Variants in MEMO1 observed in about 807,000 individuals in gnomAD.
The protein encoded by MEMO1 is protein MEMO1.
Under a neutral mutation model 45.2 loss-of-function variants are expected in MEMO1, and 6 were observed. The observed-to-expected ratio is 0.13, with a 90% confidence interval of 0.07 to 0.26. MEMO1 has a LOEUF of 0.26. Ranked by LOEUF, MEMO1 falls within the 10% of genes least tolerant of loss-of-function variation. The pLI is 1.00. For missense variants in MEMO1, 184 were observed against 370.5 expected, an observed-to-expected ratio of 0.50 and a Z score of 4.13; for synonymous variants, 78 against 124.3, an observed-to-expected ratio of 0.63 and a Z score of 2.48.
In MEMO1 at chr2:32,002,892, C is replaced by G. The variant is rs545354824; in HGVS notation, c.61+7295G>C. Among the ~76,000 whole-genome samples, 15 of 152,282 alleles carry G rather than the reference C, an allele frequency of 9.9e-5. No individual in the cohort carries two copies. In the South Asian group the frequency reaches 3.1e-3, roughly 32 times the overall value. On this transcript the variant is annotated intron_variant, in intron 2 of 9. Transcript: ENST00000404530. ...ACTAGAAATAATCAGGCAATCATAT[C>G]AACAGTTTGCCTGTTAAATATGTTC...
At chr2:31,984,482 T>C (rs955865633) in intron 2 of MEMO1, among the ~76,000 whole-genome samples, 2 of 152,196 alleles carry the variant, frequency 1.3e-5, no homozygotes, top group Admixed American at 1.3e-4. Flanking sequence ...CTAAACACGA[T>C]GTGGTAACCT....
chr2:31,870,399 CAAG>C, intron 8 of MEMO1, among the ~76,000 whole-genome samples: 2 of 152,186 alleles, frequency 1.3e-5, no homozygotes, highest in Middle Eastern at 6.8e-3. Flanking sequence ...CATGAAAAAT[CAAG>C]AGATAATTTT....
intron 5 of MEMO1, among the ~76,000 whole-genome samples, chr2:31,919,006 G>A (rs887800718): frequency 2.0e-5 from 3 of 151,982 alleles, no homozygotes; most frequent in Admixed American, 1.3e-4. Flanking sequence ...TTAATAAGAC[G>A]CATTAACAAA....
At chr2:31,977,361 A>G (rs1670122812) in intron 2 of MEMO1, among the ~76,000 whole-genome samples, 1 of 152,312 alleles carries the variant, frequency 6.6e-6, no homozygotes, top group African/African-American at 2.4e-5. Context: ...GTAACATTCA[A>G]TCATGTGCAC....
At chr2:31,947,245 C>T (rs1666299682) in intron 2 of MEMO1, among the ~76,000 whole-genome samples, 1 of 152,126 alleles carries the variant, frequency 6.6e-6, no homozygotes, top group Non-Finnish European at 1.5e-5. Flanking sequence ...TGTTTTTAAG[C>T]AGTAAACCAA....
intron 6 of MEMO1, among the ~76,000 whole-genome samples, chr2:31,902,921 A>G (rs1027739071): frequency 1.3e-5 from 2 of 152,264 alleles, no homozygotes; most frequent in East Asian, 1.9e-4. Context: ...TGAAAATTCT[A>G]AATTCTAATT....
chr2:31,910,583 G>A (rs751076479), intron 6 of MEMO1, among the ~76,000 whole-genome samples: 12 of 152,160 alleles, frequency 7.9e-5, no homozygotes, highest in African/African-American at 2.4e-4. Context: ...GTTGTTAGCC[G>A]GGTGCAGTGG....
chr2:31,957,707 T>C (rs1022218283), intron 2 of MEMO1, among the ~76,000 whole-genome samples: 4 of 152,260 alleles, frequency 2.6e-5, no homozygotes, highest in Non-Finnish European at 5.9e-5. Context: ...ATATCTTTCT[T>C]CATAATTCTT....
rs5830216 is a variant in MEMO1 at position 31,883,903 on chromosome 2, G to GA, written c.581-442dup. On this transcript the variant is annotated intron_variant, in intron 7 of 9. Transcript: ENST00000404530. ...CAAAGTTTTGATCTCTATTACGGGGGAAAAAAAAAAAAACCATGAGGTCGC... is the reference window on the plus strand; with the variant it reads ...CAAAGTTTTGATCTCTATTACGGGGGAAAAAAAAAAAAAACCATGAGGTCGC... Among the ~76,000 whole-genome samples, 223 of 139,240 alleles carry GA rather than the reference G, an allele frequency of 1.6e-3. 1 individual carries two copies. Among genetic ancestry groups the GA allele is most frequent in the Middle Eastern group, 3.7e-3 (1 of 268 alleles). 91.3% of individuals were successfully genotyped at this position (139,240 alleles called of 152,430 possible). A position where few individuals can be genotyped will look rare whatever the true frequency, so the allele number is the denominator to read the frequency against.
chr2:32,006,964 C>CAAAA (rs67557055), intron 2 of MEMO1, among the ~76,000 whole-genome samples: 243 of 75,644 alleles, frequency 3.2e-3, no homozygotes, highest in South Asian at 4.7e-3. Context: ...GATTCCATCT[C>CAAAA]AAAAAAAAAA....
At chr2:31,921,250 C>T (rs758085167) in intron 4 of MEMO1, among the ~76,000 whole-genome samples, 5 of 152,094 alleles carry the variant, frequency 3.3e-5, no homozygotes, top group Non-Finnish European at 7.4e-5. Flanking sequence ...TCAGAAGGGG[C>T]CCAACCCTGA....
chr2:31,965,135 C>A (rs1490308121), intron 2 of MEMO1, among the ~76,000 whole-genome samples: 1 of 151,908 alleles, frequency 6.6e-6, no homozygotes, highest in Non-Finnish European at 1.5e-5. Context: ...ATCGCTTGAA[C>A]CGGAGAGGCA....
chr2:31,997,308 A>G (rs2148576935), intron 2 of MEMO1, among the ~76,000 whole-genome samples: 1 of 152,334 alleles, frequency 6.6e-6, no homozygotes, highest in Non-Finnish European at 1.5e-5. Flanking sequence ...GAAAAGACAC[A>G]CTATATTCAG....
chr2:31,995,846 A>T (rs1180524131), intron 2 of MEMO1, among the ~76,000 whole-genome samples: 2 of 152,150 alleles, frequency 1.3e-5, no homozygotes, highest in African/African-American at 2.4e-5. Flanking sequence ...CAGCAGGAAA[A>T]TGGTAATAAG....
At position 31,870,223 on chromosome 2, in the gene MEMO1, T is replaced by C. The variant is rs965695474; in HGVS notation, c.658-271A>G. Among the ~76,000 whole-genome samples, 8 of 152,256 alleles carry C rather than the reference T, an allele frequency of 5.3e-5. No homozygotes were observed. In the South Asian group the frequency reaches 1.4e-3, roughly 28 times the overall value. ...TATGTTTCTATACTACTTTAACCAG[T>C]TGTCATTTAGCTCACAATCCTCAAA... On this transcript the variant is annotated intron_variant, in intron 8 of 9. Coordinates refer to ENST00000404530, the MANE Select transcript of MEMO1 (RefSeq NM_001301833.4).
chr2:31,980,465 T>A (rs911869921), intron 2 of MEMO1, among the ~76,000 whole-genome samples: 2 of 152,118 alleles, frequency 1.3e-5, no homozygotes, highest in African/African-American at 4.8e-5. Context: ...TTAGATTTTT[T>A]TTATTTTTAA....
At position 31,868,462 on chromosome 2, in the gene MEMO1, T is replaced by C; in HGVS notation, c.793A>G (p.Asn265Asp). ...TAATTCAAAAACGAAAAACTCATATTCATTCCATTCTTCTGGAGCTCTGTG... is the reference window on the plus strand; with the variant it reads ...TAATTCAAAAACGAAAAACTCATATCCATTCCATTCTTCTGGAGCTCTGTG... ...AITELQKNGMNMSFSFLNYAQ... is the reference protein window; with the variant it reads ...AITELQKNGMDMSFSFLNYAQ... Residue 265 changes from asparagine (N) to aspartate (D), a missense_variant, in exon 10 of 10, where the codon AAT becomes GAT. Physicochemically the swap from Asn to Asp is conservative, Grantham distance 23. Coordinates refer to ENST00000404530, the MANE Select transcript of MEMO1 (RefSeq NM_001301833.4). 6.2e-7 allele frequency: 1 copy of C among 1,603,920 alleles called. No individual in the cohort carries two copies. Among genetic ancestry groups the C allele is most frequent in the Non-Finnish European group, 8.5e-7 (1 of 1,175,540 alleles).
chr2:31,933,976 T>C (rs746302632), intron 3 of MEMO1, among the ~76,000 whole-genome samples: 18 of 152,338 alleles, frequency 1.2e-4, no homozygotes, highest in South Asian at 6.2e-4. Flanking sequence ...GAGACGTCAC[T>C]GCTCACTGCT....
At chr2:31,955,225 G>A (rs1489818207) in intron 2 of MEMO1, among the ~76,000 whole-genome samples, 2 of 148,910 alleles carry the variant, frequency 1.3e-5, no homozygotes, top group African/African-American at 2.6e-5. Context: ...ACAAACAAAC[G>A]TGAGGCCCAC....
Sources: gnomAD v4.1 joint callset for allele counts (sites outside exome capture counted in the v4.1 genomes callset) on GRCh38, gnomAD v4.1.1 for gene constraint, MANE v1.5 for transcripts, NCBI Gene and HGNC (gene_info 2026-07-23, HGNC 2026-07-21) for gene names.